KIF13A: variants seen among roughly 807,000 people sequenced by gnomAD.
KIF13A encodes kinesin-like protein KIF13A.
In KIF13A, 79 loss-of-function variants were observed where a neutral mutation model predicts 212.2. The ratio of observed to expected loss-of-function variants is 0.37; its 90% CI spans 0.31 to 0.45. KIF13A has a LOEUF of 0.45. Ranked by LOEUF, KIF13A falls within the 20% of genes least tolerant of loss-of-function variation. The pLI is 1.00. For synonymous variants in KIF13A, 789 were observed against 808.6 expected (o/e 0.98, Z 0.41); for missense variants, 1,901 against 2,209.0 (o/e 0.86, Z 2.79).
At chr6:17,980,762 T>C (rs964040599) in intron 2 of KIF13A, among the ~76,000 whole-genome samples, 2 of 152,212 alleles carry the variant, frequency 1.3e-5, no homozygotes, top group Non-Finnish European at 2.9e-5. Context: ...CATAGCTCAA[T>C]GTCAACAATG....
chr6:17,923,354 T>C (rs894455461), intron 2 of KIF13A, among the ~76,000 whole-genome samples: 1 of 151,874 alleles, frequency 6.6e-6, no homozygotes, highest in Admixed American at 6.6e-5. Context: ...TCTCCAAATA[T>C]AAAAATTTAA....
In KIF13A at chr6:17,938,078, A is replaced by G. The variant is rs1429796237; in HGVS notation, c.147-39898T>C. ...TACATAATTTTAAAATTTTTTTTGTAGAGATGGGGACTCACTATGTTGCCA... is the reference window on the plus strand; with the variant it reads ...TACATAATTTTAAAATTTTTTTTGTGGAGATGGGGACTCACTATGTTGCCA... On this transcript the variant is annotated intron_variant, in intron 2 of 38. Transcript: ENST00000259711. Among the ~76,000 whole-genome samples the G allele has an allele frequency of 2.0e-5, 3 of 151,452 alleles. No individual in the cohort carries two copies. The East Asian group carries it at 5.8e-4, about 29-fold the overall frequency.
rs752490875 is a variant in KIF13A at position 17,777,288 on chromosome 6, T to C, written c.4159A>G (p.Asn1387Asp). Reference sequence around the variant, plus strand: ...CAGGATGCACTTACATTATGAACATTTGGTGTACTGAGGCTCCTCCGAATG... The same window carrying C: ...CAGGATGCACTTACATTATGAACATCTGGTGTACTGAGGCTCCTCCGAATG... ...RHIRRSLSTPNVHNVSSSRPD... is the reference protein window; with the variant it reads ...RHIRRSLSTPDVHNVSSSRPD... Residue 1387 changes from asparagine to aspartate, a missense_variant, in exon 34 of 39, where the codon AAT (asparagine) becomes GAT (aspartate). By Grantham distance (23) the Asn-to-Asp change is conservative (BLOSUM62 1). This residue lies in a region of KIF13A where 687 missense variants were observed against 759.1 expected (regional missense o/e 0.90). Coordinates refer to ENST00000259711, the MANE Select transcript of KIF13A (RefSeq NM_022113.6). This position sits in a 1 kb window ranked among gnomAD's most constrained non-coding sequence, Gnocchi z 4.4. 5.0e-6 allele frequency: 8 copies of C among 1,612,296 alleles called. No homozygotes were observed. Among genetic ancestry groups the C allele is most frequent in the East Asian group, 2.2e-5 (1 of 44,858 alleles).
intron 16 of KIF13A, among the ~76,000 whole-genome samples, chr6:17,818,727 C>T (rs911144688): frequency 6.6e-6 from 1 of 152,130 alleles, no homozygotes; most frequent in Admixed American, 6.6e-5. Context: ...GGCTAAACAG[C>T]TGATCTACAA....
In KIF13A at chr6:17,783,806, A is replaced by AC; in HGVS notation, c.3489-106_3489-105insG. On this transcript the variant is annotated intron_variant, in intron 28 of 38. Transcript: ENST00000259711. This position sits in a 1 kb window ranked among gnomAD's most constrained non-coding sequence, Gnocchi z 4.3. ...GGAAGCAAAGAGAACCATGGTGGAG[A>AC]TGCAGTTTCCACTAATGAAATACTT... 1 of 753,328 alleles carries AC rather than the reference A, an allele frequency of 1.3e-6. No individual in the cohort carries two copies. The highest frequency in any genetic ancestry group is 2.3e-6 in the Non-Finnish European group (1 of 430,502). The allele number at this position is 753,328 out of a possible 1,614,324, so 46.7% of individuals were successfully genotyped here.
At chr6:17,812,039 CTTTCT>C (rs974541372) in intron 17 of KIF13A, 15 of 152,238 alleles carry the variant, frequency 9.9e-5, no homozygotes, top group Admixed American at 2.0e-4. Flanking sequence ...TACACTTTTC[CTTTCT>C]TTTAAGAATT....
chr6:17,789,783 C>T lies in KIF13A; in HGVS notation c.3261+89G>A. On this transcript the variant is annotated intron_variant, in intron 26 of 38. Coordinates refer to ENST00000259711, the MANE Select transcript of KIF13A (RefSeq NM_022113.6). This position sits in a 1 kb window ranked among gnomAD's most constrained non-coding sequence, Gnocchi z 4.8. The stretch of plus-strand genomic sequence containing the variant: ...CTGCATATTCTCGCTCTAGGGCCCT[C>T]CTTCCTCCTCCCTGGCCTCTGCTTT... The T allele has an allele frequency of 6.5e-6, 7 of 1,078,892 alleles. No homozygotes were observed. Among genetic ancestry groups the T allele is most frequent in the Non-Finnish European group, 8.3e-6 (6 of 718,652 alleles). 66.8% of individuals were successfully genotyped at this position (1,078,892 alleles called of 1,614,324 possible).
chr6:17,836,895 GCT>G lies in KIF13A; in HGVS notation c.1136_1137del (p.Glu379AlafsTer12), dbSNP rs1766010969. Reference protein sequence around the residue: ...ELREEVEKLREQLSQAEAMKA... With the variant: ...ELREEVEKLRXQLSQAEAMKA... ...GCTTTTACCTCTGCCTGAGAGAGCTGCTCTCTCAGTTTCTCGACTTCCTCCCG... is the reference window on the plus strand; with the variant it reads ...GCTTTTACCTCTGCCTGAGAGAGCTGCTCTCAGTTTCTCGACTTCCTCCCG... On this transcript the variant is annotated frameshift_variant, in exon 11 of 39. Transcript: ENST00000259711. LOFTEE classifies it high-confidence loss of function. 6.2e-7 allele frequency: 1 copy of G among 1,613,680 alleles called. No homozygotes were observed. The highest frequency in any genetic ancestry group is 8.5e-7 in the Non-Finnish European group (1 of 1,179,800).
chr6:17,832,893 A>C (rs923957027), intron 12 of KIF13A, among the ~76,000 whole-genome samples: 6 of 151,294 alleles, frequency 4.0e-5, no homozygotes, highest in Non-Finnish European at 5.9e-5. Context: ...GCAAGCCTCT[A>C]GTCCCAGCTG....
Position 17,829,656 on chromosome 6 carries a change from C to T in KIF13A, c.1402-1286G>A, listed in dbSNP as rs1337558962. On this transcript the variant is annotated intron_variant, in intron 13 of 38. Coordinates refer to ENST00000259711, the MANE Select transcript of KIF13A (RefSeq NM_022113.6). The surrounding 1 kb of genome is among the most constrained non-coding windows in gnomAD (Gnocchi z 5.4). ...AAATAGTTTAATAACTATAATAATACCTCCCTATTTGACAGAGAAAGTATA... is the reference window on the plus strand; with the variant it reads ...AAATAGTTTAATAACTATAATAATATCTCCCTATTTGACAGAGAAAGTATA... Among the ~76,000 whole-genome samples the T allele has an allele frequency of 1.3e-5, 2 of 152,200 alleles. No homozygotes were observed. The highest frequency in any genetic ancestry group is 2.1e-4 in the South Asian group (1 of 4,818).
intron 17 of KIF13A, among the ~76,000 whole-genome samples, chr6:17,814,272 A>ATG (rs1763721565): frequency 1.4e-5 from 1 of 71,682 alleles, no homozygotes; most frequent in Non-Finnish European, 2.7e-5. Context: ...TTTTTTTGAG[A>ATG]CAGTCTTGCT....
chr6:17,799,532 A>G lies in KIF13A; in HGVS notation c.2617-93T>C. 9.3e-7 allele frequency: 1 copy of G among 1,075,872 alleles called. No individual in the cohort carries two copies. The highest frequency in any genetic ancestry group is 1.3e-6 in the Non-Finnish European group (1 of 763,524). The allele number at this position is 1,075,872 out of a possible 1,614,324, so 66.6% of individuals were successfully genotyped here. A position where few individuals can be genotyped will look rare whatever the true frequency, so the allele number is the denominator to read the frequency against. ...AAATTTAAGAGTAAGCGATGAAACA[A>G]ATTGGTCATCCATTTGACATGTGAA... is the stretch of plus-strand genomic sequence containing the variant. On this transcript the variant is annotated intron_variant, in intron 21 of 38. Coordinates refer to ENST00000259711, the MANE Select transcript of KIF13A (RefSeq NM_022113.6). The surrounding 1 kb of genome is among the most constrained non-coding windows in gnomAD (Gnocchi z 4.4).
chr6:17,975,531 A>G (rs1314775819), intron 2 of KIF13A, among the ~76,000 whole-genome samples: 3 of 152,096 alleles, frequency 2.0e-5, no homozygotes, highest in East Asian at 3.9e-4. Context: ...AACATAATTC[A>G]TTGCAAAGAC....
Position 17,773,492 on chromosome 6 carries a change from C to T in KIF13A, c.4310G>A (p.Arg1437Gln), listed in dbSNP as rs78281954. The part of the protein sequence containing the change: ...CYGTLPRDSP[R>Q]RNKEGCTSET... ...CTCACCACTACCTTCTTTATTCCTTCGAGGAGAATCCCTGGGTAAAGTTCC... is the reference window on the plus strand; with the variant it reads ...CTCACCACTACCTTCTTTATTCCTTTGAGGAGAATCCCTGGGTAAAGTTCC... The change falls in exon 36 of 39, where the codon CGA becomes CAA. Residue 1437 changes from arginine (R) to glutamine (Q), a missense_variant. Physicochemically the swap from Arg to Gln is conservative, Grantham distance 43 (BLOSUM62 1). Around this residue, in one of 5 missense-constraint regions of KIF13A, gnomAD observed 687 missense variants for 759.1 expected, o/e 0.90. Transcript: ENST00000259711. The surrounding 1 kb of genome is among the most constrained non-coding windows in gnomAD (Gnocchi z 4.2). 3.9e-5 allele frequency: 62 copies of T among 1,591,870 alleles called. No individual in the cohort carries two copies. The East Asian group carries it at 9.8e-4, about 25-fold the overall frequency.
intron 2 of KIF13A, among the ~76,000 whole-genome samples, chr6:17,955,795 T>C (rs1015164856): frequency 3.3e-5 from 5 of 152,202 alleles, no homozygotes; most frequent in African/African-American, 9.6e-5. Context: ...TCAGTGTAGT[T>C]TGTTTCCATG....
At chr6:17,803,182 C>T (rs1043893709) in intron 20 of KIF13A, among the ~76,000 whole-genome samples, 1 of 152,066 alleles carries the variant, frequency 6.6e-6, no homozygotes, top group East Asian at 1.9e-4. Context: ...GATCCACCTG[C>T]CTCTGCCTCC....
intron 2 of KIF13A, among the ~76,000 whole-genome samples, chr6:17,985,514 G>A (rs895318807): frequency 2.0e-5 from 3 of 151,880 alleles, no homozygotes; most frequent in African/African-American, 7.3e-5. Context: ...TGCCAAGCCA[G>A]CAAGGAAAAC....
chr6:17,977,532 T>C (rs781185723), intron 2 of KIF13A, among the ~76,000 whole-genome samples: 4 of 152,212 alleles, frequency 2.6e-5, no homozygotes, highest in Non-Finnish European at 5.9e-5. Flanking sequence ...ACTATTCAAT[T>C]TTTAAAATTA....
rs142668707 is a variant in KIF13A, at chr6:17,975,498, T to C, written c.146+11556A>G. 4.0e-3 allele frequency among the ~76,000 whole-genome samples: 606 copies of C among 152,030 alleles called. 2 individuals carry two copies. Among genetic ancestry groups the C allele is most frequent in the Middle Eastern group, 0.034 (10 of 294 alleles). ...TGAGCGTTACAGCTTATAAAGACAA[T>C]GTAGGCCCAAAAAGGGAGCAGCAAC... is the stretch of plus-strand genomic sequence containing the variant. On this transcript the variant is annotated intron_variant, in intron 2 of 38. Coordinates refer to ENST00000259711, the MANE Select transcript of KIF13A (RefSeq NM_022113.6).
Sources: gnomAD v4.1 joint callset for allele counts (sites outside exome capture counted in the v4.1 genomes callset) on GRCh38, gnomAD v4.1.1 for gene constraint, gnomAD v4.1.1 regional missense constraint, Gnocchi (gnomAD v3.1) non-coding constraint, MANE v1.5 for transcripts, NCBI Gene and HGNC (gene_info 2026-07-23, HGNC 2026-07-21) for gene names.